MAFF: variants seen among roughly 807,000 people sequenced by gnomAD.
MAFF encodes the protein transcription factor MafF.
Under a neutral mutation model 2.7 loss-of-function variants are expected in MAFF, and 4 were observed. The ratio of observed to expected loss-of-function variants is 1.48; its 90% confidence interval spans 0.73 to 3.39. The LOEUF is 3.39. Ranked by LOEUF, MAFF falls within the 30% of genes most tolerant of loss-of-function variation. The pLI is 0.01. For missense variants in MAFF, 190 were observed against 246.6 expected, an observed-to-expected ratio of 0.77 and a Z score of 1.54; for synonymous variants, 113 against 119.4, an observed-to-expected ratio of 0.95 and a Z score of 0.35.
intron 1 of MAFF, chr22:38,205,256 C>A (rs2091043316): frequency 6.6e-6 from 1 of 152,186 alleles, no homozygotes; most frequent in Admixed American, 6.6e-5. Flanking sequence ...AGAGGGAGTG[C>A]CGTACCTGAG....
At chr22:38,204,967 G>T (rs917407190) in intron 1 of MAFF, among the ~76,000 whole-genome samples, 3 of 152,114 alleles carry the variant, frequency 2.0e-5, no homozygotes, top group Non-Finnish European at 4.4e-5. Flanking sequence ...AAGGCAAGAG[G>T]CTGGTGAGCA....
At position 38,202,538 on chromosome 22, in the gene MAFF, A is replaced by C. The variant is rs975501233; in HGVS notation, c.-32+326A>C. The C allele has an allele frequency of 1.7e-4, 25 of 150,256 alleles. No homozygotes were observed. The highest frequency in any genetic ancestry group is 3.0e-4 in the Non-Finnish European group (20 of 67,444). The allele number at this position is 150,256 out of a possible 1,614,324, so 9.3% of individuals were successfully genotyped here. A position where few individuals can be genotyped will look rare whatever the true frequency, so the allele number is the denominator to read the frequency against. ...GCGGGGGCGGGGGCGCTGTGCTCCT[A>C]CGTGACTCGGTGGGAACAGGCCCTG... On this transcript the variant is annotated intron_variant, in intron 1 of 2. Transcript: ENST00000338483. The surrounding 1 kb of genome is among the most constrained non-coding windows in gnomAD (Gnocchi z 7.4).
At chr22:38,210,217 C>T (rs564762501) in intron 1 of MAFF, among the ~76,000 whole-genome samples, 2 of 152,206 alleles carry the variant, frequency 1.3e-5, no homozygotes, top group Non-Finnish European at 2.9e-5. Context: ...CCTGGGTGAC[C>T]CCTAAGACTC....
Position 38,214,377 on chromosome 22 carries a change from C to G in MAFF, c.37-43C>G, listed in dbSNP as rs958412817. The G allele has an allele frequency of 1.3e-6, 2 of 1,507,210 alleles. No homozygotes were observed. The highest frequency in any genetic ancestry group is 1.8e-6 in the Non-Finnish European group (2 of 1,122,342). The allele number at this position is 1,507,210 out of a possible 1,614,324, so 93.4% of individuals were successfully genotyped here. A position where few individuals can be genotyped will look rare whatever the true frequency, so the allele number is the denominator to read the frequency against. On this transcript the variant is annotated intron_variant, in intron 2 of 2. Transcript: ENST00000338483. The surrounding 1 kb of genome is among the most constrained non-coding windows in gnomAD (Gnocchi z 6.3). ...GAACACCGCGGGTGGAGCGGGGGGG[C>G]CCGTCCCCAGTCCCCTGGACCTCAG... is the stretch of plus-strand genomic sequence containing the variant.
In MAFF at chr22:38,208,226, C is replaced by CA. The variant is rs574882513; in HGVS notation, c.-31-5593dup. 1.7e-4 allele frequency among the ~76,000 whole-genome samples: 26 copies of CA among 152,314 alleles called. 1 individual carries two copies. The South Asian group carries it at 4.8e-3, about 28-fold the overall frequency. On this transcript the variant is annotated intron_variant, in intron 1 of 2. Coordinates refer to ENST00000338483, the MANE Select transcript of MAFF (RefSeq NM_012323.4). Reference sequence around the variant, plus strand: ...TACAGTGTATACCACTTGATTCCACCAAAACCCTGCGAGGCAGGTATTGTT... The same window carrying CA: ...TACAGTGTATACCACTTGATTCCACCAAAAACCCTGCGAGGCAGGTATTGTT...
At position 38,214,617 on chromosome 22, in the gene MAFF, G is replaced by C; in HGVS notation, c.234G>C (p.Glu78Asp). The C allele has an allele frequency of 6.3e-7, 1 of 1,575,226 alleles. No homozygotes were observed. The highest frequency in any genetic ancestry group is 8.6e-7 in the Non-Finnish European group (1 of 1,161,104). The stretch of plus-strand genomic sequence containing the variant: ...TGAAGCGCGTGTGCCAGAAGGAGGA[G>C]CTGCAGAAGCAGAAGTCGGAGCTGG... ...CRVKRVCQKE[E>D]LQKQKSELER... Residue 78 changes from glutamate (E) to aspartate (D), a missense_variant, in exon 3 of 3, where the codon GAG becomes GAC. By Grantham distance (45) the Glu-to-Asp change is conservative. Transcript: ENST00000338483. The surrounding 1 kb of genome is among the most constrained non-coding windows in gnomAD (Gnocchi z 6.3).
At chr22:38,213,254 T>C (rs1013436025) in intron 1 of MAFF, among the ~76,000 whole-genome samples, 1 of 149,790 alleles carries the variant, frequency 6.7e-6, no homozygotes, top group African/African-American at 2.5e-5. Context: ...CAAAGGCACA[T>C]GTCCAAGCCC....
Position 38,214,730 on chromosome 22 carries a change from G to C in MAFF, c.347G>C (p.Gly116Ala). Residue 116 changes from glycine to alanine, a missense_variant, in exon 3 of 3, where the codon GGC (glycine) becomes GCC (alanine). Gly to Ala is a moderately conservative substitution (Grantham distance 60). Around this residue, in one of 2 missense-constraint regions of MAFF, gnomAD observed 103 missense variants for 103.0 expected, o/e 1.00. Transcript: ENST00000338483. This position sits in a 1 kb window ranked among gnomAD's most constrained non-coding sequence, Gnocchi z 6.3. ...ALRGKCEALQGFARSVAAARG... is the reference protein window; with the variant it reads ...ALRGKCEALQAFARSVAAARG... The stretch of plus-strand genomic sequence containing the variant: ...CGCGGCAAGTGCGAGGCGCTGCAGG[G>C]CTTCGCGCGCTCCGTGGCCGCCGCC... 4 of 1,443,250 alleles carry C rather than the reference G, an allele frequency of 2.8e-6. No individual in the cohort carries two copies. The South Asian group carries it at 5.7e-5, about 21-fold the overall frequency. 89.4% of individuals were successfully genotyped at this position (1,443,250 alleles called of 1,614,324 possible). A position where few individuals can be genotyped will look rare whatever the true frequency, so the allele number is the denominator to read the frequency against.
intron 1 of MAFF, chr22:38,213,423 G>A: frequency 2.6e-5 from 9 of 342,118 alleles, no homozygotes; most frequent in South Asian, 2.0e-4. Flanking sequence ...GAGGAGGAGT[G>A]GGAAGGAGAA....
At chr22:38,206,780 G>A (rs1050726829) in intron 1 of MAFF, among the ~76,000 whole-genome samples, 36 of 152,146 alleles carry the variant, frequency 2.4e-4, no homozygotes, top group African/African-American at 8.4e-4. Flanking sequence ...TGTATCAGCC[G>A]CAACACCCAA....
At position 38,202,686 on chromosome 22, in the gene MAFF, G is replaced by GT. The variant is rs1448910913; in HGVS notation, c.-32+475dup. On this transcript the variant is annotated intron_variant, in intron 1 of 2. Coordinates refer to ENST00000338483, the MANE Select transcript of MAFF (RefSeq NM_012323.4). This position sits in a 1 kb window ranked among gnomAD's most constrained non-coding sequence, Gnocchi z 7.4. ...CGTGCGCTGTGTACCTCGGGGGCGT[G>GT]TGTGCGTGTGTTGTGCTTGTGTGTG... The GT allele has an allele frequency of 7.2e-5, 11 of 153,470 alleles. No homozygotes were observed. Among genetic ancestry groups the GT allele is most frequent in the Admixed American group, 2.6e-4 (4 of 15,304 alleles). 9.5% of individuals were successfully genotyped at this position (153,470 alleles called of 1,614,324 possible).
At chr22:38,213,176 C>CAAAAAAAAAAAAAAAAAAA (rs57782814) in intron 1 of MAFF, among the ~76,000 whole-genome samples, 1 of 114,088 alleles carries the variant, frequency 8.8e-6, no homozygotes. Flanking sequence ...GACTCTGTCT[C>CAAAAAAAAAAAAAAAAAAA]AAAAAAAAAA....
At chr22:38,209,145 A>G (rs1375962468) in intron 1 of MAFF, among the ~76,000 whole-genome samples, 1 of 151,782 alleles carries the variant, frequency 6.6e-6, no homozygotes, top group Non-Finnish European at 1.5e-5. Flanking sequence ...GGCTCACTGC[A>G]TGCTTCACCT....
At chr22:38,212,342 C>A (rs2091107558) in intron 1 of MAFF, among the ~76,000 whole-genome samples, 1 of 152,186 alleles carries the variant, frequency 6.6e-6, no homozygotes, top group African/African-American at 2.4e-5. Flanking sequence ...ACTGCCCCCT[C>A]CCCTTGGAGA....
rs143783963 is a variant in MAFF at position 38,202,600 on chromosome 22, T to C, written c.-32+388T>C. On this transcript the variant is annotated intron_variant, in intron 1 of 2. Coordinates refer to ENST00000338483, the MANE Select transcript of MAFF (RefSeq NM_012323.4). The surrounding 1 kb of genome is among the most constrained non-coding windows in gnomAD (Gnocchi z 7.4). Reference sequence around the variant, plus strand: ...GCGGGCGGTGCGTGCGCGGTTTGTTTACGTCCGAGGGCGGGCGTGTGTTCC... The same window carrying C: ...GCGGGCGGTGCGTGCGCGGTTTGTTCACGTCCGAGGGCGGGCGTGTGTTCC... The C allele has an allele frequency of 6.6e-6, 1 of 151,788 alleles. No homozygotes were observed. Among genetic ancestry groups the C allele is most frequent in the East Asian group, 2.0e-4 (1 of 5,052 alleles). 9.4% of individuals were successfully genotyped at this position (151,788 alleles called of 1,614,324 possible).
chr22:38,213,176 CAAAAA>C (rs57782814), intron 1 of MAFF, among the ~76,000 whole-genome samples: 1 of 114,086 alleles, frequency 8.8e-6, no homozygotes, highest in African/African-American at 3.3e-5. Context: ...GACTCTGTCT[CAAAAA>C]AAAAAAAAAA....
chr22:38,206,523 T>C (rs2146012512), intron 1 of MAFF, among the ~76,000 whole-genome samples: 1 of 151,918 alleles, frequency 6.6e-6, no homozygotes, highest in Non-Finnish European at 1.5e-5. Flanking sequence ...TGCATTTTTT[T>C]TTTTCTTTAG....
At chr22:38,203,242 G>A (rs1568996671) in intron 1 of MAFF, 1 of 152,544 alleles carries the variant, frequency 6.6e-6, no homozygotes, top group Admixed American at 6.5e-5. Context: ...GGCGCAGGGA[G>A]AGGACCACAG....
Position 38,211,061 on chromosome 22 carries a change from AAAAAAC to A in MAFF, c.-31-2743_-31-2738del, listed in dbSNP as rs1020278757. Reference sequence around the variant, plus strand: ...TAACGGAGTGAGTGAGACCCTGTATAAAAAACAAAAACAAAAACAAAAACGCCAGCA... The same window carrying A: ...TAACGGAGTGAGTGAGACCCTGTATAAAAAACAAAAACAAAAACGCCAGCA... On this transcript the variant is annotated intron_variant, in intron 1 of 2. Transcript: ENST00000338483. Among the ~76,000 whole-genome samples, 9 of 151,864 alleles carry A rather than the reference AAAAAAC, an allele frequency of 5.9e-5. No individual in the cohort carries two copies. In the South Asian group the frequency reaches 1.3e-3, roughly 21 times the overall value.
Sources: allele counts gnomAD v4.1 joint callset (sites outside exome capture counted in the v4.1 genomes callset), GRCh38; gene constraint gnomAD v4.1.1; regional missense constraint gnomAD v4.1.1; non-coding constraint Gnocchi (gnomAD v3.1); transcripts MANE v1.5; gene names NCBI Gene and HGNC (gene_info 2026-07-23, HGNC 2026-07-21).